Variants in KCNIP4 observed in about 807,000 individuals in gnomAD.
The protein encoded by KCNIP4 is potassium voltage-gated channel interacting protein 4.
Under a neutral mutation model 34.0 loss-of-function variants are expected in KCNIP4, and 12 were observed. The ratio of observed to expected loss-of-function variants is 0.35; its 90% CI spans 0.23 to 0.57. KCNIP4 has a LOEUF of 0.57. Among genes scored for constraint, KCNIP4 ranks in the 20% least tolerant of loss-of-function variants. The pLI, the probability that KCNIP4 is intolerant of heterozygous loss-of-function variation, is 0.83. For missense variants in KCNIP4, 238 were observed against 311.7 expected (o/e 0.76, Z 1.78); for synonymous variants, 124 against 102.2 (o/e 1.21, Z -1.29).
chr4:21,402,724 A>C (rs771894439), intron 1 of KCNIP4, among the ~76,000 whole-genome samples: 1 of 151,870 alleles, frequency 6.6e-6, no homozygotes, highest in Non-Finnish European at 1.5e-5. Context: ...ATAGATGCAC[A>C]ACCAGGATCT....
intron 1 of KCNIP4, among the ~76,000 whole-genome samples, chr4:21,216,361 G>A (rs146102220): frequency 0.021 from 3,131 of 152,256 alleles, 49 homozygotes; most frequent in Non-Finnish European, 0.03. Flanking sequence ...TTTTTAAAAC[G>A]TAGTTTAATT....
chr4:21,664,349 C>G (rs560949115), intron 1 of KCNIP4, among the ~76,000 whole-genome samples: 1 of 151,770 alleles, frequency 6.6e-6, no homozygotes, highest in African/African-American at 2.4e-5. Context: ...GTAGATAGAC[C>G]TGTCAAACAA....
intron 1 of KCNIP4, among the ~76,000 whole-genome samples, chr4:21,757,199 G>A (rs1326810302): frequency 1.9e-4 from 5 of 26,272 alleles, no homozygotes; most frequent in East Asian, 5.6e-4. Context: ...AGGAAGGAAG[G>A]AAAGAAAGAA....
At chr4:20,801,491 A>G (rs968908189) in intron 3 of KCNIP4, among the ~76,000 whole-genome samples, 1 of 152,110 alleles carries the variant, frequency 6.6e-6, no homozygotes, top group South Asian at 2.1e-4. Flanking sequence ...TACAGCTACA[A>G]TAAGTTGTTA....
intron 1 of KCNIP4, among the ~76,000 whole-genome samples, chr4:21,307,421 C>G (rs937476135): frequency 6.6e-6 from 1 of 152,098 alleles, no homozygotes; most frequent in African/African-American, 2.4e-5. Flanking sequence ...TCACCTGGCC[C>G]TGGAATCACT....
At chr4:20,780,222 G>A (rs1756752703) in intron 3 of KCNIP4, among the ~76,000 whole-genome samples, 2 of 152,200 alleles carry the variant, frequency 1.3e-5, no homozygotes, top group African/African-American at 4.8e-5. Flanking sequence ...TGGATATAAG[G>A]TTGTGGTCAA....
chr4:21,369,657 G>A (rs780720090), intron 1 of KCNIP4, among the ~76,000 whole-genome samples: 6 of 146,912 alleles, frequency 4.1e-5, no homozygotes, highest in Non-Finnish European at 7.4e-5. Context: ...CAGATGCTGA[G>A]CTAAGTAGTT....
chr4:21,494,029 C>T (rs1732635626), intron 1 of KCNIP4, among the ~76,000 whole-genome samples: 2 of 152,286 alleles, frequency 1.3e-5, no homozygotes, highest in South Asian at 2.1e-4. Flanking sequence ...CTCCTTTAAT[C>T]CTCATAACAA....
At chr4:20,832,752 A>C (rs565318362) in intron 3 of KCNIP4, among the ~76,000 whole-genome samples, 2 of 150,710 alleles carry the variant, frequency 1.3e-5, no homozygotes, top group African/African-American at 2.4e-5. Context: ...GGTCCTCAGC[A>C]TGAAGGATTT....
intron 6 of KCNIP4, among the ~76,000 whole-genome samples, chr4:20,733,605 C>T (rs1249200889): frequency 1.3e-5 from 2 of 152,074 alleles, no homozygotes; most frequent in African/African-American, 4.8e-5. Context: ...GTTTGTTAGA[C>T]ACAGGCAGAA....
intron 1 of KCNIP4, among the ~76,000 whole-genome samples, chr4:21,173,826 A>G (rs1394987386): frequency 6.6e-6 from 1 of 152,190 alleles, no homozygotes; most frequent in Non-Finnish European, 1.5e-5. Flanking sequence ...TGCTTCAGTC[A>G]AAGCAAAAAA....
chr4:21,208,592 T>C (rs1423477274), intron 1 of KCNIP4, among the ~76,000 whole-genome samples: 2 of 152,198 alleles, frequency 1.3e-5, no homozygotes, highest in Non-Finnish European at 2.9e-5. Flanking sequence ...TTTCTGGTCA[T>C]TGACGGTCTT....
intron 1 of KCNIP4, among the ~76,000 whole-genome samples, chr4:21,738,092 AAAATAAATAAATAAATAAATAAAT>A (rs11444057): frequency 3.5e-5 from 5 of 142,230 alleles, no homozygotes; most frequent in Non-Finnish European, 6.0e-5. Flanking sequence ...ACTCCATCTC[AAAATAAATAAATAAATAAATAAAT>A]AAATAAATAA....
intron 1 of KCNIP4, among the ~76,000 whole-genome samples, chr4:21,338,573 C>T (rs988302317): frequency 7.9e-5 from 12 of 151,086 alleles, no homozygotes. Context: ...CGCCATTGCA[C>T]TCCAGCCTAG....
chr4:21,640,987 C>T (rs1746573842), intron 1 of KCNIP4, among the ~76,000 whole-genome samples: 1 of 152,208 alleles, frequency 6.6e-6, no homozygotes, highest in East Asian at 1.9e-4. Flanking sequence ...TGAGAAACTG[C>T]TTTTGGTCTA....
chr4:21,122,466 T>C (rs1414469494), intron 1 of KCNIP4, among the ~76,000 whole-genome samples: 1 of 151,906 alleles, frequency 6.6e-6, no homozygotes, highest in Non-Finnish European at 1.5e-5. Flanking sequence ...AGTTTTTTTT[T>C]TTTTTTTTTT....
At chr4:21,507,035 G>A (rs1222924894) in intron 1 of KCNIP4, among the ~76,000 whole-genome samples, 1 of 151,908 alleles carries the variant, frequency 6.6e-6, no homozygotes, top group East Asian at 1.9e-4. Context: ...TGATCCTCCT[G>A]TCTCGGCCTC....
chr4:21,120,526 G>A (rs1750063383), intron 1 of KCNIP4, among the ~76,000 whole-genome samples: 1 of 152,144 alleles, frequency 6.6e-6, no homozygotes, highest in African/African-American at 2.4e-5. Context: ...GAAGCTTCAG[G>A]CAACTTATAA....
intron 1 of KCNIP4, among the ~76,000 whole-genome samples, chr4:21,495,314 T>C (rs1732765774): frequency 6.6e-6 from 1 of 152,200 alleles, no homozygotes; most frequent in Admixed American, 6.5e-5. Flanking sequence ...TTTCTAGCAC[T>C]ATTCCTGCAG....
Sources: allele counts gnomAD v4.1 joint callset (sites outside exome capture counted in the v4.1 genomes callset), GRCh38; gene constraint gnomAD v4.1.1; transcripts MANE v1.5; gene names NCBI Gene and HGNC (gene_info 2026-07-23, HGNC 2026-07-21).